Variants in GRIK2 observed in about 807,000 individuals in gnomAD.
The protein encoded by GRIK2 is glutamate receptor ionotropic, kainate 2.
GRIK2 carries 32 observed loss-of-function variants against 100.3 expected under a neutral mutation model. The ratio of observed to expected loss-of-function variants is 0.32; its 90% CI spans 0.24 to 0.43. The LOEUF (loss-of-function observed/expected upper bound fraction) is 0.43, where lower values mean the gene tolerates loss of function less well. GRIK2 is among the 20% of genes least tolerant of loss of function. GRIK2 has a pLI of 1.00. For missense variants in GRIK2, 843 were observed against 1,114.9 expected (o/e 0.76, Z 3.47); for synonymous variants, 417 against 389.4 (o/e 1.07, Z -0.83).
intron 14 of GRIK2, among the ~76,000 whole-genome samples, chr6:101,994,710 C>A (rs543953335): frequency 1.1e-4 from 16 of 151,876 alleles, no homozygotes; most frequent in Admixed American, 6.6e-4. Flanking sequence ...TGTCTTTTTC[C>A]ATTAGAGCTA....
chr6:101,832,601 C>T (rs1369065392), intron 10 of GRIK2, among the ~76,000 whole-genome samples: 1 of 152,148 alleles, frequency 6.6e-6, no homozygotes, highest in Non-Finnish European at 1.5e-5. Context: ...CGTGGCTGGA[C>T]AGATACTTTA....
At chr6:101,427,730 A>G (rs927456916) in intron 2 of GRIK2, among the ~76,000 whole-genome samples, 24 of 152,198 alleles carry the variant, frequency 1.6e-4, no homozygotes, top group African/African-American at 5.5e-4. Flanking sequence ...TAAATGATTC[A>G]TTTAGGTGAA....
chr6:101,490,101 TACA>T lies in GRIK2; in HGVS notation c.115+90714_115+90716del, dbSNP rs151014923. Among the ~76,000 whole-genome samples, 18 of 146,644 alleles carry T rather than the reference TACA, an allele frequency of 1.2e-4. 2 individuals are homozygous for T. The highest frequency in any genetic ancestry group is 2.3e-4 in the Non-Finnish European group (15 of 66,574). On this transcript the variant is annotated intron_variant, in intron 2 of 16. Coordinates refer to ENST00000369134, the MANE Select transcript of GRIK2 (RefSeq NM_021956.5). ...CAGAGGATACAGCATGGTCTTTATT[TACA>T]ACAATTTTTTACTCTTTACAGAAGA...
intron 12 of GRIK2, among the ~76,000 whole-genome samples, chr6:101,908,418 C>T (rs761878667): frequency 2.5e-5 from 1 of 39,662 alleles, no homozygotes; most frequent in African/African-American, 1.0e-4. Flanking sequence ...ATGTTTATAT[C>T]TAAGCTAACT....
At chr6:102,043,464 A>C (rs1408921937) in intron 15 of GRIK2, among the ~76,000 whole-genome samples, 2 of 151,826 alleles carry the variant, frequency 1.3e-5, no homozygotes, top group Non-Finnish European at 2.9e-5. Context: ...TGTTTCTATC[A>C]GTTCAAATGT....
At chr6:101,923,064 C>G (rs1207349694) in intron 12 of GRIK2, among the ~76,000 whole-genome samples, 1 of 152,074 alleles carries the variant, frequency 6.6e-6, no homozygotes, top group Non-Finnish European at 1.5e-5. Flanking sequence ...CCAAACAAAA[C>G]ACTTTTTTGT....
At chr6:101,610,307 TATTAA>T (rs774931697) in intron 2 of GRIK2, among the ~76,000 whole-genome samples, 3 of 151,724 alleles carry the variant, frequency 2.0e-5, no homozygotes, top group African/African-American at 4.8e-5. Flanking sequence ...TGAATAATAC[TATTAA>T]ATTAATTTGC....
intron 4 of GRIK2, among the ~76,000 whole-genome samples, chr6:101,671,425 A>G (rs1770424594): frequency 1.3e-5 from 2 of 152,090 alleles, no homozygotes; most frequent in Admixed American, 1.3e-4. Context: ...GCATTATTTT[A>G]TATACTTATA....
intron 15 of GRIK2, among the ~76,000 whole-genome samples, chr6:102,053,893 G>A (rs1332825197): frequency 6.6e-6 from 1 of 152,062 alleles, no homozygotes; most frequent in Non-Finnish European, 1.5e-5. Flanking sequence ...GTATAAGTTG[G>A]GCTAATATAT....
intron 15 of GRIK2, among the ~76,000 whole-genome samples, chr6:102,039,016 A>C (rs1283193722): frequency 9.2e-5 from 14 of 151,416 alleles, no homozygotes; most frequent in Non-Finnish European, 1.5e-4. Flanking sequence ...AATCAGAAAA[A>C]AAATTAAAAA....
At chr6:101,954,644 A>G (rs1270998017) in intron 14 of GRIK2, among the ~76,000 whole-genome samples, 3 of 152,194 alleles carry the variant, frequency 2.0e-5, no homozygotes, top group Non-Finnish European at 4.4e-5. Context: ...GATCCTGTCA[A>G]CTACAAAGAG....
rs546123110 is a variant in GRIK2 at position 101,962,631 on chromosome 6, A to G, written c.2085+33999A>G. Among the ~76,000 whole-genome samples, 25 of 152,280 alleles carry G rather than the reference A, an allele frequency of 1.6e-4. No homozygotes were observed. In the South Asian group the frequency reaches 5.0e-3, roughly 30 times the overall value. On this transcript the variant is annotated intron_variant, in intron 14 of 16. Coordinates refer to ENST00000369134, the MANE Select transcript of GRIK2 (RefSeq NM_021956.5). The stretch of plus-strand genomic sequence containing the variant: ...TCCATTATTGAAAGTGAGCTACTGA[A>G]GTCCTCAACTCTTTTTGCTAATTCT...
rs1787681608 is a variant in GRIK2 at position 101,899,187 on chromosome 6, TG to T, written c.1748+9325del. On this transcript the variant is annotated intron_variant, in intron 12 of 16. Transcript: ENST00000369134. Reference sequence around the variant, plus strand: ...TATCTTTGGATAGAAATATCTTGGTTGATCTATTTCGTATATAAATATAATT... The same window carrying T: ...TATCTTTGGATAGAAATATCTTGGTTATCTATTTCGTATATAAATATAATT... Among the ~76,000 whole-genome samples the T allele has an allele frequency of 2.0e-5, 3 of 151,506 alleles. 1 individual carries two copies. In the East Asian group the frequency reaches 5.8e-4, roughly 29 times the overall value.
intron 4 of GRIK2, among the ~76,000 whole-genome samples, chr6:101,629,179 T>C (rs1355129917): frequency 6.6e-6 from 1 of 152,152 alleles, no homozygotes; most frequent in East Asian, 1.9e-4. Flanking sequence ...ATTTAGTTAC[T>C]CGTTACTATT....
chr6:101,861,310 G>A (rs925490532), intron 11 of GRIK2, among the ~76,000 whole-genome samples: 1 of 152,062 alleles, frequency 6.6e-6, no homozygotes, highest in African/African-American at 2.4e-5. Context: ...TGTGTTGAGG[G>A]CTAAAACATA....
At chr6:101,745,620 T>G (rs1306091276) in intron 7 of GRIK2, among the ~76,000 whole-genome samples, 1 of 152,188 alleles carries the variant, frequency 6.6e-6, no homozygotes, top group Non-Finnish European at 1.5e-5. Flanking sequence ...GTCTCAAAAT[T>G]TCATGCCCAT....
intron 14 of GRIK2, among the ~76,000 whole-genome samples, chr6:101,949,959 A>G (rs1422455881): frequency 6.6e-6 from 1 of 152,092 alleles, no homozygotes; most frequent in East Asian, 1.9e-4. Flanking sequence ...TGAAAATATT[A>G]TATGTCTCAA....
intron 7 of GRIK2, among the ~76,000 whole-genome samples, chr6:101,782,259 T>C (rs1484559372): frequency 6.6e-6 from 1 of 152,068 alleles, no homozygotes; most frequent in East Asian, 1.9e-4. Flanking sequence ...TTGTTAACTC[T>C]AGTTACCCTA....
At chr6:102,065,535 C>T (rs1421661260) in intron 16 of GRIK2, among the ~76,000 whole-genome samples, 1 of 151,124 alleles carries the variant, frequency 6.6e-6, no homozygotes, top group South Asian at 2.1e-4. Flanking sequence ...TAGCCTACTC[C>T]CTTACTATAG....
Sources: allele counts gnomAD v4.1 joint callset (sites outside exome capture counted in the v4.1 genomes callset), GRCh38; gene constraint gnomAD v4.1.1; transcripts MANE v1.5; gene names NCBI Gene and HGNC (gene_info 2026-07-23, HGNC 2026-07-21).